The following RHOD variants were observed in gnomAD, a reference collection of about 807,000 sequenced individuals.
The protein encoded by RHOD is rho-related GTP-binding protein RhoD.
A neutral mutation model predicts 16.7 loss-of-function variants in RHOD; 11 were observed. The ratio of observed to expected loss-of-function variants is 0.66; its 90% CI spans 0.41 to 1.09. The LOEUF (loss-of-function observed/expected upper bound fraction) is 1.09, where lower values mean the gene tolerates loss of function less well. Among genes scored for constraint, RHOD ranks in the 50% least tolerant of loss-of-function variants. The pLI, the probability that RHOD is intolerant of heterozygous loss-of-function variation, is 0.00. For missense variants in RHOD, 271 were observed against 291.7 expected (o/e 0.93, Z 0.52); for synonymous variants, 124 against 126.3 (o/e 0.98, Z 0.12).
intron 1 of RHOD, among the ~76,000 whole-genome samples, chr11:67,059,807 C>A (rs1854864521): frequency 6.6e-6 from 1 of 152,204 alleles, no homozygotes; most frequent in South Asian, 2.1e-4. Flanking sequence ...TCCCTAGCAC[C>A]AGACTCTTCC....
chr11:67,057,043 C>T lies in RHOD; in HGVS notation c.132+9C>T. 6.9e-7 allele frequency: 1 copy of T among 1,451,370 alleles called. No individual in the cohort carries two copies. The highest frequency in any genetic ancestry group is 9.0e-7 in the Non-Finnish European group (1 of 1,113,296). 89.9% of individuals were successfully genotyped at this position (1,451,370 alleles called of 1,614,324 possible). On this transcript the variant is annotated intron_variant, in intron 1 of 4. Transcript: ENST00000308831. The stretch of plus-strand genomic sequence containing the variant: ...ATGGGGCCTTCCCCGAGGTGAGTGC[C>T]CCGCGCCTCCGCCTCGCCCGGTTCC...
At chr11:67,067,483 GC>G (rs978773886) in intron 3 of RHOD, among the ~76,000 whole-genome samples, 1 of 152,152 alleles carries the variant, frequency 6.6e-6, no homozygotes, top group Admixed American at 6.5e-5. Flanking sequence ...TACTCCCCCG[GC>G]CAACCTTATG....
intron 1 of RHOD, 108 bp downstream of exon 1, chr11:67,057,142 G>T (rs1226043217): frequency 1.6e-6 from 2 of 1,269,168 alleles, no homozygotes; most frequent in Admixed American, 8.4e-5. Flanking sequence ...TCCGAGGGGT[G>T]TCCCAGCGGG....
rs1436773147 is a variant in RHOD, at chr11:67,071,518, C to T, written c.549C>T (p.Phe183=). 1 of 1,612,064 alleles carries T rather than the reference C, an allele frequency of 6.2e-7. No individual in the cohort carries two copies. The highest frequency in any genetic ancestry group is 8.5e-7 in the Non-Finnish European group (1 of 1,179,574). ...TCCATGACAACGTCCACGCCGTCTT[C>T]CAGGAGGCCGCCGAGGTGGCCCTCA... ...ARLHDNVHAV[F]QEAAEVALSS... The change falls in exon 5 of 5, where the codon TTC becomes TTT. Residue 183 remains phenylalanine, a synonymous_variant. Transcript: ENST00000308831.
At chr11:67,062,094 C>T (rs528861870) in intron 1 of RHOD, among the ~76,000 whole-genome samples, 3 of 152,198 alleles carry the variant, frequency 2.0e-5, no homozygotes, top group African/African-American at 7.2e-5. Context: ...GATTACAATT[C>T]GAGATGAGAT....
chr11:67,058,089 G>A (rs2136244162), intron 1 of RHOD, among the ~76,000 whole-genome samples: 1 of 152,264 alleles, frequency 6.6e-6, no homozygotes, highest in East Asian at 1.9e-4. Context: ...TCCGCCTCCT[G>A]GGTTCAAGCG....
chr11:67,065,286 G>A (rs1457064218), intron 1 of RHOD, among the ~76,000 whole-genome samples: 4 of 152,166 alleles, frequency 2.6e-5, no homozygotes, highest in African/African-American at 4.8e-5. Flanking sequence ...ATGTTGGTCA[G>A]CCTGGTCTCA....
At chr11:67,067,707 G>A (rs1291702485) in intron 3 of RHOD, among the ~76,000 whole-genome samples, 1 of 152,172 alleles carries the variant, frequency 6.6e-6, no homozygotes, top group African/African-American at 2.4e-5. Context: ...GACGAGAAGG[G>A]GGCTGATTCT....
chr11:67,071,854 C>G lies in RHOD; in HGVS notation c.*252C>G, dbSNP rs1321601770. The stretch of plus-strand genomic sequence containing the variant: ...CTAACCCCTATGCCCGGTCCCGGAC[C>G]GACATCCTGGAGCCGCCTGTGCAGC... On this transcript the variant is annotated 3_prime_UTR_variant, in exon 5 of 5. Transcript: ENST00000308831. The G allele has an allele frequency of 1.4e-5, 6 of 427,040 alleles. No individual in the cohort carries two copies. In the East Asian group the frequency reaches 1.8e-4, roughly 13 times the overall value. 26.5% of individuals were successfully genotyped at this position (427,040 alleles called of 1,614,324 possible).
chr11:67,068,652 A>G (rs1378659586), intron 3 of RHOD, among the ~76,000 whole-genome samples: 1 of 152,124 alleles, frequency 6.6e-6, no homozygotes. Context: ...TACTAAAAAT[A>G]CAAAAATTAG....
intron 1 of RHOD, among the ~76,000 whole-genome samples, chr11:67,059,494 G>C (rs1854859893): frequency 6.6e-6 from 1 of 152,016 alleles, no homozygotes; most frequent in South Asian, 2.1e-4. Context: ...AGTGAACCGA[G>C]ATCGCGCCAT....
chr11:67,070,528 G>T lies in RHOD; in HGVS notation c.434G>T (p.Arg145Ile). The change falls in exon 4 of 5, where the codon AGA becomes ATA. Residue 145 changes from arginine (R) to isoleucine (I), a missense_variant. Arg to Ile is a moderately conservative substitution (Grantham distance 97). Coordinates refer to ENST00000308831, the MANE Select transcript of RHOD (RefSeq NM_014578.4). ...KDKSLVNKLR[R>I]NGLEPVTYHR... The stretch of plus-strand genomic sequence containing the variant: ...AAATCACTGGTGAACAAGCTCCGAA[G>T]AAACGGATTGGAGCCTGTGACCTAC... 8 of 1,614,150 alleles carry T rather than the reference G, an allele frequency of 5.0e-6. No individual in the cohort carries two copies. The highest frequency in any genetic ancestry group is 1.7e-5 in the Admixed American group (1 of 60,020).
At position 67,070,434 on chromosome 11, in the gene RHOD, G is replaced by A; in HGVS notation, c.340G>A (p.Glu114Lys). Residue 114 changes from glutamate (E) to lysine (K), a missense_variant, in exon 4 of 5, where the codon GAA becomes AAA. Glu to Lys is a moderately conservative substitution (Grantham distance 56, BLOSUM62 1). Transcript: ENST00000308831. Reference sequence around the variant, plus strand: ...CCTCGCCCCCCTGCAGTGGTACCCAGAAGTGAATCATTTCTGCAAGAAGGT... The same window carrying A: ...CCTCGCCCCCCTGCAGTGGTACCCAAAAGTGAATCATTTCTGCAAGAAGGT... ...FDNIFNRWYPEVNHFCKKVPI... is the reference protein window; with the variant it reads ...FDNIFNRWYPKVNHFCKKVPI... The A allele has an allele frequency of 1.9e-6, 3 of 1,613,926 alleles. No individual in the cohort carries two copies. The highest frequency in any genetic ancestry group is 2.7e-5 in the African/African-American group (2 of 74,964).
rs1854820613 is a variant in RHOD, at chr11:67,057,000, T to C, written c.98T>C (p.Leu33Pro). 2 of 1,509,008 alleles carry C rather than the reference T, an allele frequency of 1.3e-6. No individual in the cohort carries two copies. The highest frequency in any genetic ancestry group is 1.8e-6 in the Non-Finnish European group (2 of 1,138,646). The allele number at this position is 1,509,008 out of a possible 1,614,324, so 93.5% of individuals were successfully genotyped here. Residue 33 changes from leucine to proline, a missense_variant, in exon 1 of 5, where the codon CTG becomes CCG. Leu to Pro is a moderately conservative substitution (Grantham distance 98). Coordinates refer to ENST00000308831, the MANE Select transcript of RHOD (RefSeq NM_014578.4). The stretch of plus-strand genomic sequence containing the variant: ...GACGGCGGCTGCGGGAAGACGTCGC[T>C]GCTGATGGTCTTCGCCGATGGGGCC... ...VGDGGCGKTS[L>P]LMVFADGAFP... is the part of the protein sequence containing the mutation.
At chr11:67,067,742 G>C (rs573835634) in intron 3 of RHOD, among the ~76,000 whole-genome samples, 148 of 152,134 alleles carry the variant, frequency 9.7e-4, no homozygotes, top group Non-Finnish European at 1.9e-3. Context: ...GGCGGAGTTT[G>C]CTGATGATCA....
At chr11:67,059,864 A>G (rs1854865452) in intron 1 of RHOD, among the ~76,000 whole-genome samples, 1 of 152,250 alleles carries the variant, frequency 6.6e-6, no homozygotes, top group South Asian at 2.1e-4. Context: ...AGGAGGCTGG[A>G]GTCCCATCTC....
At position 67,056,890 on chromosome 11, in the gene RHOD, G is replaced by A. The variant is rs778204813; in HGVS notation, c.-13G>A. On this transcript the variant is annotated 5_prime_UTR_variant, in exon 1 of 5. Transcript: ENST00000308831. The stretch of plus-strand genomic sequence containing the variant: ...GCAGCCGCCCGCCCGCCCGCTCAGC[G>A]CCCGGCCCCGGGATGACGGCGGCCC... The A allele has an allele frequency of 3.6e-6, 5 of 1,407,206 alleles. No homozygotes were observed. The African/African-American group carries it at 6.1e-5, about 17-fold the overall frequency. The allele number at this position is 1,407,206 out of a possible 1,614,324, so 87.2% of individuals were successfully genotyped here.
In RHOD at chr11:67,071,659, G is replaced by A; in HGVS notation, c.*57G>A. On this transcript the variant is annotated 3_prime_UTR_variant, in exon 5 of 5. Transcript: ENST00000308831. ...GGGCAGGGCGCTGACCTGCTGCTGA[G>A]CTGGCTGGGCTGGACCCGGTCCCTA... The A allele has an allele frequency of 6.8e-7, 1 of 1,473,416 alleles. No individual in the cohort carries two copies. Among genetic ancestry groups the A allele is most frequent in the East Asian group, 2.5e-5 (1 of 40,036 alleles). The allele number at this position is 1,473,416 out of a possible 1,614,324, so 91.3% of individuals were successfully genotyped here.
intron 1 of RHOD, among the ~76,000 whole-genome samples, chr11:67,058,264 C>A (rs1278659018): frequency 1.3e-5 from 2 of 152,266 alleles, no homozygotes; most frequent in African/African-American, 4.8e-5. Context: ...TAACCTCTGC[C>A]TCCCAGGTTC....
Sources: allele counts gnomAD v4.1 joint callset (sites outside exome capture counted in the v4.1 genomes callset), GRCh38; gene constraint gnomAD v4.1.1; transcripts MANE v1.5; gene names NCBI Gene and HGNC (gene_info 2026-07-23, HGNC 2026-07-21).